The following TRPS1 variants were observed in gnomAD, a reference collection of about 807,000 sequenced individuals.
TRPS1 encodes the protein transcriptional repressor GATA binding 1.
In TRPS1, 6 loss-of-function variants were observed where a neutral mutation model predicts 101.2. That is an observed-to-expected ratio of 0.06 (90% CI 0.03 to 0.12). The LOEUF is 0.12. Among genes scored for constraint, TRPS1 ranks in the 10% least tolerant of loss-of-function variants. TRPS1 has a pLI of 1.00. For missense variants in TRPS1, 1,363 were observed against 1,567.0 expected (o/e 0.87, Z 2.20); for synonymous variants, 578 against 589.8 (o/e 0.98, Z 0.29).
intron 2 of TRPS1, among the ~76,000 whole-genome samples, chr8:115,622,602 T>TA (rs1216913900): frequency 8.6e-5 from 13 of 151,548 alleles, no homozygotes; most frequent in East Asian, 3.9e-4. Flanking sequence ...ATGTCTTCAC[T>TA]AACTATTACA....
chr8:115,659,662 T>A (rs1430875423), intron 1 of TRPS1, among the ~76,000 whole-genome samples: 3 of 151,988 alleles, frequency 2.0e-5, no homozygotes, highest in African/African-American at 7.2e-5. Context: ...TCAGAGCTAC[T>A]TAAGAGTATT....
intron 5 of TRPS1, among the ~76,000 whole-genome samples, chr8:115,576,774 C>T (rs1186386954): frequency 6.6e-6 from 1 of 152,148 alleles, no homozygotes; most frequent in Non-Finnish European, 1.5e-5. Flanking sequence ...ATATTTTAGA[C>T]TCTTCAAAAA....
chr8:115,514,562 GT>G (rs1038319312), intron 5 of TRPS1, among the ~76,000 whole-genome samples: 1 of 151,302 alleles, frequency 6.6e-6, no homozygotes. Context: ...ACACTTAGTA[GT>G]TTTTTTAATG....
At chr8:115,617,156 AGATTACTTTTTT>A (rs1818293097) in intron 3 of TRPS1, among the ~76,000 whole-genome samples, 1 of 152,232 alleles carries the variant, frequency 6.6e-6, no homozygotes, top group Non-Finnish European at 1.5e-5. Context: ...CTGTTGCCAC[AGATTACTTTTTT>A]CTATTTTTAA....
At chr8:115,462,056 A>G (rs557167657) in intron 5 of TRPS1, among the ~76,000 whole-genome samples, 33 of 152,294 alleles carry the variant, frequency 2.2e-4, no homozygotes, top group African/African-American at 7.9e-4. Flanking sequence ...AATTTAACGT[A>G]TATCATTCTT....
At chr8:115,517,188 G>C (rs897932196) in intron 5 of TRPS1, among the ~76,000 whole-genome samples, 2 of 151,470 alleles carry the variant, frequency 1.3e-5, no homozygotes, top group African/African-American at 4.8e-5. Flanking sequence ...CTTCAAAGTG[G>C]AATTGCCAAT....
At position 115,608,749 on chromosome 8, in the gene TRPS1, G is replaced by A. The variant is rs1034517094; in HGVS notation, c.967-3747C>T. On this transcript the variant is annotated intron_variant, in intron 3 of 6. Transcript: ENST00000395715. Reference sequence around the variant, plus strand: ...TATGGTAGCCACTAGCCACAAGTAGGCTTAGTAAAAATGAAGAACTGTTTT... The same window carrying A: ...TATGGTAGCCACTAGCCACAAGTAGACTTAGTAAAAATGAAGAACTGTTTT... Among the ~76,000 whole-genome samples the A allele has an allele frequency of 2.6e-5, 4 of 151,688 alleles. No homozygotes were observed. The South Asian group carries it at 8.3e-4, about 31-fold the overall frequency.
At chr8:115,423,519 C>G (rs1358917435) in intron 5 of TRPS1, among the ~76,000 whole-genome samples, 1 of 152,138 alleles carries the variant, frequency 6.6e-6, no homozygotes, top group African/African-American at 2.4e-5. Flanking sequence ...AAATGACATA[C>G]CTAACTTTTA....
chr8:115,596,583 T>C (rs1222794771), intron 4 of TRPS1, among the ~76,000 whole-genome samples: 1 of 151,820 alleles, frequency 6.6e-6, no homozygotes, highest in African/African-American at 2.4e-5. Flanking sequence ...TAGATATAGA[T>C]ATGATTACAT....
At chr8:115,566,277 T>G (rs1817065817) in intron 5 of TRPS1, among the ~76,000 whole-genome samples, 1 of 152,126 alleles carries the variant, frequency 6.6e-6, no homozygotes, top group Non-Finnish European at 1.5e-5. Flanking sequence ...ACTAAACAGA[T>G]TGCCAAAAGG....
intron 5 of TRPS1, among the ~76,000 whole-genome samples, chr8:115,575,583 C>G (rs1157965406): frequency 2.0e-5 from 3 of 152,080 alleles, no homozygotes; most frequent in Non-Finnish European, 4.4e-5. Flanking sequence ...ACACCCTTTT[C>G]TCTTTTCCTG....
intron 5 of TRPS1, among the ~76,000 whole-genome samples, chr8:115,502,688 C>T (rs75013387): frequency 0.015 from 2,289 of 152,180 alleles, 50 homozygotes; most frequent in African/African-American, 0.053. Context: ...GAAGTGGTGG[C>T]GGTGAAACTG....
intron 1 of TRPS1, among the ~76,000 whole-genome samples, chr8:115,662,538 C>T (rs1325096881): frequency 6.6e-6 from 1 of 151,926 alleles, no homozygotes; most frequent in Non-Finnish European, 1.5e-5. Context: ...AGGAAGAGAA[C>T]ACTAGCACAA....
rs146085790 is a variant in TRPS1, at chr8:115,410,819, T to C, written c.*3204A>G. On this transcript the variant is annotated 3_prime_UTR_variant, in exon 7 of 7. Transcript: ENST00000395715. ...TTCAGTTTTTAAATGGCACACAATTTTAGCTGGCACATCATTTTCATCACA... is the reference window on the plus strand; with the variant it reads ...TTCAGTTTTTAAATGGCACACAATTCTAGCTGGCACATCATTTTCATCACA... 4.7e-4 allele frequency: 71 copies of C among 152,098 alleles called. No homozygotes were observed. Among genetic ancestry groups the C allele is most frequent in the African/African-American group, 1.5e-3 (62 of 41,522 alleles). The allele number at this position is 152,098 out of a possible 1,614,324, so 9.4% of individuals were successfully genotyped here. A position where few individuals can be genotyped will look rare whatever the true frequency, so the allele number is the denominator to read the frequency against.
intron 4 of TRPS1, among the ~76,000 whole-genome samples, chr8:115,592,626 T>A (rs1266273913): frequency 2.0e-5 from 3 of 152,104 alleles, no homozygotes. Context: ...GAAAACATAT[T>A]AAAAAGACAA....
chr8:115,565,492 TTTTTTG>T (rs60439418), intron 5 of TRPS1, among the ~76,000 whole-genome samples: 101,656 of 149,792 alleles, frequency 0.68, 35,444 homozygotes, highest in African/African-American at 0.86. Flanking sequence ...ACAGGTTTTT[TTTTTTG>T]TTTTCTTTAT....
chr8:115,442,558 T>C (rs1019408852), intron 5 of TRPS1, among the ~76,000 whole-genome samples: 4 of 151,324 alleles, frequency 2.6e-5, no homozygotes, highest in African/African-American at 7.3e-5. Flanking sequence ...TGCGTGTGTG[T>C]GTGTGTGTGT....
chr8:115,520,486 T>TGTAG (rs1307415603), intron 5 of TRPS1, among the ~76,000 whole-genome samples: 1 of 151,812 alleles, frequency 6.6e-6, no homozygotes, highest in Non-Finnish European at 1.5e-5. Flanking sequence ...TTATTGTTTA[T>TGTAG]GTAGGCTTTG....
chr8:115,655,968 T>C (rs1299384299), intron 1 of TRPS1, among the ~76,000 whole-genome samples: 1 of 152,164 alleles, frequency 6.6e-6, no homozygotes, highest in African/African-American at 2.4e-5. Context: ...AGGGGATAGC[T>C]GGTTGAAATG....
Sources: gnomAD v4.1 joint callset for allele counts (sites outside exome capture counted in the v4.1 genomes callset) on GRCh38, gnomAD v4.1.1 for gene constraint, MANE v1.5 for transcripts, NCBI Gene and HGNC (gene_info 2026-07-23, HGNC 2026-07-21) for gene names.